The following INPP4B variants were observed in gnomAD, a reference collection of about 807,000 sequenced individuals.
INPP4B encodes the protein inositol polyphosphate 4-phosphatase type II.
Under a neutral mutation model 122.5 loss-of-function variants are expected in INPP4B, and 55 were observed. That is an observed-to-expected ratio of 0.45 (90% CI 0.36 to 0.56). INPP4B has a LOEUF of 0.56. Among genes scored for constraint, INPP4B ranks in the 20% least tolerant of loss-of-function variants. INPP4B has a pLI of 0.00. For missense variants in INPP4B, 1,000 were observed against 1,097.7 expected (o/e 0.91, Z 1.26); for synonymous variants, 403 against 388.7 (o/e 1.04, Z -0.43).
chr4:142,082,085 T>C lies in INPP4B; in HGVS notation c.2588A>G (p.Asp863Gly). The change falls in exon 25 of 26, where the codon GAT becomes GGT. Residue 863 changes from aspartate (D) to glycine (G), a missense_variant. Coordinates refer to ENST00000262992, the MANE Select transcript of INPP4B (RefSeq NM_001101669.3). ...GAAGTCCTTGTGTAACTGGTGCTCATCTCTCAAGATTGAGCATTGTTCAAG... is the reference window on the plus strand; with the variant it reads ...GAAGTCCTTGTGTAACTGGTGCTCACCTCTCAAGATTGAGCATTGTTCAAG... ...VTLEQCSILR[D>G]EHQLHKDFFI... is the part of the protein sequence containing the mutation. 6.7e-7 allele frequency: 1 copy of C among 1,493,618 alleles called. No homozygotes were observed. The highest frequency in any genetic ancestry group is 1.4e-5 in the South Asian group (1 of 71,306). 92.5% of individuals were successfully genotyped at this position (1,493,618 alleles called of 1,614,324 possible).
At chr4:142,247,044 G>T (rs1729246972) in intron 11 of INPP4B, among the ~76,000 whole-genome samples, 1 of 152,110 alleles carries the variant, frequency 6.6e-6, no homozygotes, top group African/African-American at 2.4e-5. Context: ...TGCATCTATT[G>T]TGATAATCAT....
At chr4:142,316,750 G>A (rs62328283) in intron 7 of INPP4B, among the ~76,000 whole-genome samples, 16,338 of 152,134 alleles carry the variant, frequency 0.11, 1,006 homozygotes, top group Middle Eastern at 0.2. Context: ...ATAAAAGTAT[G>A]TGTTTTAATA....
chr4:142,160,070 T>C (rs1423779513), intron 17 of INPP4B, among the ~76,000 whole-genome samples: 1 of 152,054 alleles, frequency 6.6e-6, no homozygotes, highest in East Asian at 1.9e-4. Context: ...ATGTTTTATA[T>C]AGTTTGGCAA....
intron 3 of INPP4B, among the ~76,000 whole-genome samples, chr4:142,461,667 A>T (rs968037343): frequency 6.6e-6 from 1 of 152,236 alleles, no homozygotes; most frequent in Non-Finnish European, 1.5e-5. Context: ...CAAGCTCCCT[A>T]AAAGCAGGCC....
At chr4:142,831,029 GAA>G (rs1011324415) in intron 1 of INPP4B, among the ~76,000 whole-genome samples, 1 of 143,240 alleles carries the variant, frequency 7.0e-6, no homozygotes, top group Admixed American at 7.0e-5. Flanking sequence ...CTCAAAAAAG[GAA>G]AAAAAAAAAT....
chr4:142,400,257 T>G (rs1292855171), intron 7 of INPP4B, among the ~76,000 whole-genome samples: 4 of 152,200 alleles, frequency 2.6e-5, no homozygotes, highest in Non-Finnish European at 5.9e-5. Context: ...CTAATTAGTA[T>G]TCAACCAATA....
chr4:142,324,297 C>T (rs1340626789), intron 7 of INPP4B, among the ~76,000 whole-genome samples: 1 of 151,946 alleles, frequency 6.6e-6, no homozygotes, highest in Non-Finnish European at 1.5e-5. Flanking sequence ...ATTACTTATG[C>T]GTAGCCCTAG....
At chr4:142,486,000 G>A (rs1821148848) in intron 2 of INPP4B, among the ~76,000 whole-genome samples, 1 of 151,910 alleles carries the variant, frequency 6.6e-6, no homozygotes, top group Non-Finnish European at 1.5e-5. Context: ...TTCTGGGTCT[G>A]GCCTACAAAA....
intron 1 of INPP4B, among the ~76,000 whole-genome samples, chr4:142,776,140 G>A (rs1773881218): frequency 6.6e-6 from 1 of 152,126 alleles, no homozygotes; most frequent in Non-Finnish European, 1.5e-5. Context: ...TTAATTCAAA[G>A]CAGTTTGACT....
At chr4:142,099,644 G>C (rs1220737777) in intron 23 of INPP4B, among the ~76,000 whole-genome samples, 1 of 152,022 alleles carries the variant, frequency 6.6e-6, no homozygotes, top group Non-Finnish European at 1.5e-5. Flanking sequence ...ATAAAGCCCT[G>C]TAATATTCAG....
At chr4:142,385,241 TC>T (rs1229181910) in intron 7 of INPP4B, among the ~76,000 whole-genome samples, 1 of 152,218 alleles carries the variant, frequency 6.6e-6, no homozygotes, top group Non-Finnish European at 1.5e-5. Context: ...GTATAAGCGT[TC>T]TTTTTTCTCT....
At chr4:142,781,333 T>C (rs904511752) in intron 1 of INPP4B, among the ~76,000 whole-genome samples, 1 of 152,216 alleles carries the variant, frequency 6.6e-6, no homozygotes, top group Non-Finnish European at 1.5e-5. Flanking sequence ...GTCGATCCTA[T>C]TTCCATAGGG....
At chr4:142,101,543 T>TGTGA (rs1784479424) in intron 23 of INPP4B, among the ~76,000 whole-genome samples, 1 of 152,160 alleles carries the variant, frequency 6.6e-6, no homozygotes, top group African/African-American at 2.4e-5. Flanking sequence ...TCTGTTAACA[T>TGTGA]GTGATACTGA....
intron 10 of INPP4B, among the ~76,000 whole-genome samples, chr4:142,264,537 T>G (rs1034609392): frequency 6.6e-6 from 1 of 152,218 alleles, no homozygotes; most frequent in Non-Finnish European, 1.5e-5. Flanking sequence ...GTGTATATAT[T>G]GAAGTTTGAA....
At chr4:142,818,442 G>T (rs939877540) in intron 1 of INPP4B, among the ~76,000 whole-genome samples, 1 of 54,040 alleles carries the variant, frequency 1.9e-5, no homozygotes, top group African/African-American at 1.1e-4. Flanking sequence ...CAATTTAAAC[G>T]TGTGTGTGTG....
intron 2 of INPP4B, among the ~76,000 whole-genome samples, chr4:142,539,789 G>A (rs1197598082): frequency 1.3e-5 from 2 of 151,824 alleles, no homozygotes; most frequent in South Asian, 2.1e-4. Context: ...GGACAAACAG[G>A]AACTGACAGC....
chr4:142,491,582 G>A (rs903662795), intron 2 of INPP4B, among the ~76,000 whole-genome samples: 4 of 152,152 alleles, frequency 2.6e-5, no homozygotes, highest in Non-Finnish European at 4.4e-5. Context: ...GCTTGAACCC[G>A]GGAGGTGGAG....
intron 12 of INPP4B, among the ~76,000 whole-genome samples, chr4:142,231,356 C>G (rs577100495): frequency 1.3e-5 from 2 of 152,256 alleles, no homozygotes; most frequent in East Asian, 1.9e-4. Flanking sequence ...AATAAGCAAA[C>G]AGTGCACATA....
At chr4:142,320,375 T>C (rs926142988) in intron 7 of INPP4B, among the ~76,000 whole-genome samples, 6 of 152,012 alleles carry the variant, frequency 3.9e-5, no homozygotes, top group Non-Finnish European at 7.4e-5. Flanking sequence ...CACCATGGAG[T>C]GGTAATTTTG....
Sources: gnomAD v4.1 joint callset for allele counts (sites outside exome capture counted in the v4.1 genomes callset) on GRCh38, gnomAD v4.1.1 for gene constraint, MANE v1.5 for transcripts, NCBI Gene and HGNC (gene_info 2026-07-23, HGNC 2026-07-21) for gene names.